MME: variants seen among roughly 807,000 people sequenced by gnomAD.
MME encodes neprilysin.
MME carries 98 observed loss-of-function variants against 113.2 expected under a neutral mutation model. The observed-to-expected ratio is 0.87, with a 90% CI of 0.74 to 1.02. The LOEUF is 1.02. MME is among the 50% of genes least tolerant of loss of function. The pLI, the probability that MME is intolerant of heterozygous loss-of-function variation, is 0.00. For missense variants in MME, 836 were observed against 896.0 expected (o/e 0.93, Z 0.86); for synonymous variants, 292 against 300.6 (o/e 0.97, Z 0.30).
intron 17 of MME, among the ~76,000 whole-genome samples, chr3:155,163,060 T>C (rs1264998033): frequency 1.4e-5 from 2 of 148,144 alleles, no homozygotes; most frequent in African/African-American, 2.5e-5. Flanking sequence ...TATGTGTATA[T>C]AAATACACAC....
chr3:155,054,231 T>C (rs1460068565), intron 1 of MME, among the ~76,000 whole-genome samples: 1 of 152,220 alleles, frequency 6.6e-6, no homozygotes, highest in Non-Finnish European at 1.5e-5. Flanking sequence ...TATGTTTCCT[T>C]CTTTAATCGT....
chr3:155,176,827 G>GA (rs879567358), intron 22 of MME, among the ~76,000 whole-genome samples: 7 of 152,040 alleles, frequency 4.6e-5, no homozygotes, highest in Non-Finnish European at 1.0e-4. Context: ...CCCTGTCTCA[G>GA]AAAAAATAGA....
chr3:155,099,273 A>T (rs761264951), intron 3 of MME, among the ~76,000 whole-genome samples: 3 of 152,200 alleles, frequency 2.0e-5, no homozygotes, highest in Non-Finnish European at 2.9e-5. Flanking sequence ...ATTACAAATG[A>T]ATTCATTTTT....
chr3:155,166,967 G>T lies in MME; in HGVS notation c.1726G>T (p.Gly576Trp), dbSNP rs1723143233. Reference sequence around the variant, plus strand: ...CCAGCAGTCCAACTCATTGAACTATGGGGGCATCGGCATGGTCATAGGACA... The same window carrying T: ...CCAGCAGTCCAACTCATTGAACTATTGGGGCATCGGCATGGTCATAGGACA... ...SAQQSNSLNY[G>W]GIGMVIGHEI... Residue 576 changes from glycine (G) to tryptophan (W), a missense_variant, in exon 18 of 23, where the codon GGG (glycine) becomes TGG (tryptophan). By Grantham distance (184) the Gly-to-Trp change is radical (BLOSUM62 -2). Coordinates refer to ENST00000360490, the MANE Select transcript of MME (RefSeq NM_007289.4). The T allele has an allele frequency of 6.2e-7, 1 of 1,613,714 alleles. No homozygotes were observed. The highest frequency in any genetic ancestry group is 2.2e-5 in the East Asian group (1 of 44,810).
intron 1 of MME, among the ~76,000 whole-genome samples, chr3:155,035,624 T>C (rs1050047654): frequency 2.0e-5 from 3 of 152,096 alleles, no homozygotes; most frequent in African/African-American, 4.8e-5. Flanking sequence ...AAGGGCTGTG[T>C]AGATATATGG....
intron 3 of MME, among the ~76,000 whole-genome samples, chr3:155,094,260 G>C (rs1716536059): frequency 6.6e-6 from 1 of 152,160 alleles, no homozygotes; most frequent in African/African-American, 2.4e-5. Flanking sequence ...GCCACATCCT[G>C]TGTGATTGGT....
chr3:155,061,286 C>T (rs1200957626), intron 1 of MME, among the ~76,000 whole-genome samples: 2 of 151,854 alleles, frequency 1.3e-5, no homozygotes, highest in East Asian at 3.9e-4. Flanking sequence ...CCCGTCTCTA[C>T]TAAAAATACA....
chr3:155,084,501 C>A (rs771259373), intron 2 of MME, 174 bp downstream of exon 2: 1 of 687,882 alleles, frequency 1.5e-6, no homozygotes, highest in Non-Finnish European at 2.5e-6. Flanking sequence ...CTTTGAAGTA[C>A]GGTGCCTTTT....
At chr3:155,138,299 T>G in intron 9 of MME, 63 bp downstream of exon 9, 3 of 1,525,878 alleles carry the variant, frequency 2.0e-6, no homozygotes, top group Non-Finnish European at 2.7e-6. Context: ...CTTTCCCCTC[T>G]CTATCATACT....
rs769638722 is a variant in MME, at chr3:155,142,319, G to C, written c.1177G>C (p.Ala393Pro). 2 of 1,612,878 alleles carry C rather than the reference G, an allele frequency of 1.2e-6. No individual in the cohort carries two copies. The highest frequency in any genetic ancestry group is 2.7e-5 in the African/African-American group (2 of 74,830). ...LSRTYKESRN[A>P]FRKALYGTTS... Reference sequence around the variant, plus strand: ...CCGAACCTACAAGGAGTCCAGAAATGCTTTCCGCAAGGTGAAGAAAAAATC... The same window carrying C: ...CCGAACCTACAAGGAGTCCAGAAATCCTTTCCGCAAGGTGAAGAAAAAATC... The change falls in exon 12 of 23, where the codon GCT (alanine) becomes CCT (proline). Residue 393 changes from alanine to proline, a missense_variant. Ala to Pro is a conservative substitution (Grantham distance 27, BLOSUM62 -1). Coordinates refer to ENST00000360490, the MANE Select transcript of MME (RefSeq NM_007289.4).
intron 22 of MME, 149 bp downstream of exon 22, chr3:155,172,761 G>C: frequency 1.5e-6 from 1 of 668,138 alleles, no homozygotes; most frequent in Non-Finnish European, 2.7e-6. Flanking sequence ...AGGATCGAGA[G>C]AACACATCGG....
At chr3:155,056,367 C>T (rs1191095794) in intron 1 of MME, among the ~76,000 whole-genome samples, 1 of 149,416 alleles carries the variant, frequency 6.7e-6, no homozygotes, top group Non-Finnish European at 1.5e-5. Context: ...TGTGATGTTC[C>T]CCTTCCTGTG....
chr3:155,085,361 A>G (rs1289567366), intron 3 of MME: 3 of 268,926 alleles, frequency 1.1e-5, no homozygotes, highest in East Asian at 6.7e-5. Context: ...GGAGCTTGCC[A>G]TGTAGTTGAA....
At chr3:155,056,343 A>C (rs1009198965) in intron 1 of MME, among the ~76,000 whole-genome samples, 1 of 121,644 alleles carries the variant, frequency 8.2e-6, no homozygotes, top group African/African-American at 3.1e-5. Flanking sequence ...CACACCGCAC[A>C]ACAGTCCCCA....
intron 20 of MME, among the ~76,000 whole-genome samples, chr3:155,169,617 A>C (rs984988464): frequency 6.6e-6 from 1 of 152,178 alleles, no homozygotes; most frequent in African/African-American, 2.4e-5. Flanking sequence ...GATGATTTTG[A>C]GTGTTTTTCT....
At chr3:155,058,252 C>G (rs191370854) in intron 1 of MME, among the ~76,000 whole-genome samples, 4 of 152,224 alleles carry the variant, frequency 2.6e-5, no homozygotes, top group Middle Eastern at 3.4e-3. Flanking sequence ...AGTTCAGGTC[C>G]AGAAGTAGGA....
At chr3:155,150,298 A>G (rs1721827465) in intron 16 of MME, among the ~76,000 whole-genome samples, 1 of 152,180 alleles carries the variant, frequency 6.6e-6, no homozygotes, top group Admixed American at 6.5e-5. Flanking sequence ...TCATTTTGTC[A>G]TATAATTTAC....
chr3:155,044,344 G>T (rs1713471126), intron 1 of MME, among the ~76,000 whole-genome samples: 1 of 151,484 alleles, frequency 6.6e-6, no homozygotes, highest in Admixed American at 6.6e-5. Flanking sequence ...TATTGGCCAG[G>T]CTGGTCTTGA....
intron 8 of MME, among the ~76,000 whole-genome samples, chr3:155,135,785 G>T (rs1447071787): frequency 6.6e-6 from 1 of 151,992 alleles, no homozygotes; most frequent in Non-Finnish European, 1.5e-5. Flanking sequence ...ATTTTTGTTT[G>T]TTTGCTTCCT....
Sources: allele counts gnomAD v4.1 joint callset (sites outside exome capture counted in the v4.1 genomes callset), GRCh38; gene constraint gnomAD v4.1.1; transcripts MANE v1.5; gene names NCBI Gene and HGNC (gene_info 2026-07-23, HGNC 2026-07-21).